SLC26A5: variants seen among roughly 807,000 people sequenced by gnomAD.
SLC26A5 encodes the protein prestin.
Under a neutral mutation model 81.0 loss-of-function variants are expected in SLC26A5, and 51 were observed. The observed-to-expected ratio is 0.63, with a 90% CI of 0.50 to 0.80. The LOEUF is 0.80. Ranked by LOEUF, SLC26A5 falls within the 30% of genes least tolerant of loss-of-function variation. The pLI is 0.00. For synonymous variants in SLC26A5, 325 were observed against 332.8 expected (o/e 0.98, Z 0.25); for missense variants, 771 against 905.8 (o/e 0.85, Z 1.91).
At chr7:103,412,840 C>T (rs1294304938) in intron 5 of SLC26A5, among the ~76,000 whole-genome samples, 162 bp downstream of exon 5, 4 of 151,970 alleles carry the variant, frequency 2.6e-5, no homozygotes, top group African/African-American at 4.8e-5. Flanking sequence ...GATGAGCCAC[C>T]GCACCTGGCC....
chr7:103,410,567 C>T lies in SLC26A5; in HGVS notation c.571-18G>A, dbSNP rs763954137. The T allele has an allele frequency of 1.3e-6, 2 of 1,591,152 alleles. No individual in the cohort carries two copies. The highest frequency in any genetic ancestry group is 1.8e-5 in the Admixed American group (1 of 56,584). On this transcript the variant is annotated intron_variant, in intron 6 of 19. Transcript: ENST00000306312. Reference sequence around the variant, plus strand: ...AGGCAAAACTATTTTTTTTTAATGACAAAGAAACAAATGAATCACATGATA... The same window carrying T: ...AGGCAAAACTATTTTTTTTTAATGATAAAGAAACAAATGAATCACATGATA...
intron 4 of SLC26A5, among the ~76,000 whole-genome samples, chr7:103,419,660 C>CCTGAGTATCTGAGACTAGAGG (rs1825184016): frequency 6.6e-6 from 1 of 152,068 alleles, no homozygotes; most frequent in Non-Finnish European, 1.5e-5. Context: ...GCTTCAGCCT[C>CCTGAGTATCTGAGACTAGAGG]CTGAGTATCT....
chr7:103,439,120 T>G (rs1334772062), intron 2 of SLC26A5, among the ~76,000 whole-genome samples: 1 of 152,200 alleles, frequency 6.6e-6, no homozygotes, highest in Non-Finnish European at 1.5e-5. Context: ...TTTTTATTCT[T>G]TAGCAACTAG....
Position 103,389,423 on chromosome 7 carries a change from G to C in SLC26A5, c.1313C>G (p.Ala438Gly), listed in dbSNP as rs763369160. The stretch of plus-strand genomic sequence containing the variant: ...GACAATCACAATGGCCGACAGCACA[G>C]CCTGAAACAGAGCACATCCCCCATG... ...TGFLFESLPQ[A>G]VLSAIVIVNL... The change falls in exon 13 of 20, where the codon GCT becomes GGT. Residue 438 changes from alanine (A) to glycine (G), a missense_variant and splice_region_variant. Ala to Gly is a moderately conservative substitution (Grantham distance 60). Transcript: ENST00000306312. The C allele has an allele frequency of 6.2e-7, 1 of 1,611,818 alleles. No individual in the cohort carries two copies. Among genetic ancestry groups the C allele is most frequent in the Non-Finnish European group, 8.5e-7 (1 of 1,177,942 alleles).
At chr7:103,395,476 T>TAC (rs1202761813) in intron 9 of SLC26A5, among the ~76,000 whole-genome samples, 1 of 141,532 alleles carries the variant, frequency 7.1e-6, no homozygotes, top group Non-Finnish European at 1.5e-5. Context: ...TATATATACA[T>TAC]ATATATATAC....
chr7:103,443,798 C>T (rs1177293403), intron 1 of SLC26A5, among the ~76,000 whole-genome samples: 1 of 152,210 alleles, frequency 6.6e-6, no homozygotes, highest in African/African-American at 2.4e-5. Context: ...TGCTTCATTT[C>T]CCTTTCCCTC....
chr7:103,380,471 AG>A lies in SLC26A5; in HGVS notation c.1584+8del. ...TACAACCTTTTTAAGTGATAGAAAAAGGTCCTACCTCCTCATATGCGTCTAT... is the reference window on the plus strand; with the variant it reads ...TACAACCTTTTTAAGTGATAGAAAAAGTCCTACCTCCTCATATGCGTCTAT... On this transcript the variant is annotated splice_region_variant and intron_variant, in intron 15 of 19. Coordinates refer to ENST00000306312, the MANE Select transcript of SLC26A5 (RefSeq NM_198999.3). 2 of 1,609,872 alleles carry A rather than the reference AG, an allele frequency of 1.2e-6. No homozygotes were observed. The highest frequency in any genetic ancestry group is 1.7e-6 in the Non-Finnish European group (2 of 1,176,224).
intron 14 of SLC26A5, among the ~76,000 whole-genome samples, chr7:103,383,411 G>A (rs1317367931): frequency 1.3e-5 from 2 of 152,186 alleles, no homozygotes; most frequent in South Asian, 4.1e-4. Flanking sequence ...GATTTCAAAT[G>A]CAGATGATGA....
chr7:103,427,009 A>G (rs903541693), intron 2 of SLC26A5, among the ~76,000 whole-genome samples: 1 of 152,190 alleles, frequency 6.6e-6, no homozygotes, highest in East Asian at 1.9e-4. Context: ...TAGAGCTTCA[A>G]GGTCCATTTC....
intron 4 of SLC26A5, among the ~76,000 whole-genome samples, chr7:103,417,387 A>G (rs1007310281): frequency 1.4e-5 from 2 of 147,434 alleles, no homozygotes; most frequent in African/African-American, 2.5e-5. Context: ...AAAAAAAAAG[A>G]AAAAAAAATA....
rs1341195690 is a variant in SLC26A5 at position 103,397,312 on chromosome 7, C to T, written c.971+620G>A. Among the ~76,000 whole-genome samples, 11 of 151,560 alleles carry T rather than the reference C, an allele frequency of 7.3e-5. No individual in the cohort carries two copies. In the South Asian group the frequency reaches 1.0e-3, roughly 14 times the overall value. ...ATCCCAGCACTTTGGAAGGCCAAGG[C>T]GGGTGGATCACGAGGTCAGGAAATT... On this transcript the variant is annotated intron_variant, in intron 9 of 19. Transcript: ENST00000306312.
intron 18 of SLC26A5, 48 bp from the exon 19 acceptor site, chr7:103,376,910 G>C: frequency 7.9e-7 from 1 of 1,261,786 alleles, no homozygotes; most frequent in South Asian, 1.2e-5. Context: ...CTCTGTGCCA[G>C]ATGAAAGTCT....
chr7:103,391,853 A>G (rs1033625926), intron 10 of SLC26A5, 118 bp from the exon 11 acceptor site: 1 of 807,534 alleles, frequency 1.2e-6, no homozygotes, highest in Non-Finnish European at 2.1e-6. Context: ...TTTTCCTTTC[A>G]GATGTAAGAA....
chr7:103,391,752 CA>C lies in SLC26A5; in HGVS notation c.1120-18del. On this transcript the variant is annotated intron_variant, in intron 10 of 19. Coordinates refer to ENST00000306312, the MANE Select transcript of SLC26A5 (RefSeq NM_198999.3). ...AATGAGCTCCTTTCCCATGTAGAAA[CA>C]AAACACAAAAGAGATAGGTCATTCT... 1 of 1,598,194 alleles carries C rather than the reference CA, an allele frequency of 6.3e-7. No homozygotes were observed.
At chr7:103,402,991 A>C (rs1166239658) in intron 8 of SLC26A5, among the ~76,000 whole-genome samples, 1 of 152,014 alleles carries the variant, frequency 6.6e-6, no homozygotes, top group Non-Finnish European at 1.5e-5. Flanking sequence ...AGATTTTCCC[A>C]CTTTCTCCTG....
At chr7:103,419,615 G>A (rs1160489663) in intron 4 of SLC26A5, among the ~76,000 whole-genome samples, 6 of 151,026 alleles carry the variant, frequency 4.0e-5, no homozygotes, top group South Asian at 2.1e-4. Flanking sequence ...TCAGCTCACC[G>A]CAACCTCCAC....
Position 103,433,981 on chromosome 7 carries a change from G to A in SLC26A5, c.-54+9102C>T, listed in dbSNP as rs368498917. On this transcript the variant is annotated intron_variant, in intron 2 of 19. Coordinates refer to ENST00000306312, the MANE Select transcript of SLC26A5 (RefSeq NM_198999.3). Reference sequence around the variant, plus strand: ...CTCCCAAAGTGCTGGGATTACAGGCGTGAGCCACTGCGCCTGGCCTGTATT... The same window carrying A: ...CTCCCAAAGTGCTGGGATTACAGGCATGAGCCACTGCGCCTGGCCTGTATT... Among the ~76,000 whole-genome samples the A allele has an allele frequency of 1.1e-3, 171 of 152,274 alleles. 3 individuals carry two copies. The highest frequency in any genetic ancestry group is 1.5e-3 in the East Asian group (8 of 5,180).
At chr7:103,402,064 G>T (rs1382614052) in intron 8 of SLC26A5, among the ~76,000 whole-genome samples, 1 of 152,178 alleles carries the variant, frequency 6.6e-6, no homozygotes, top group Non-Finnish European at 1.5e-5. Flanking sequence ...GCAGGATGAT[G>T]CTGGCATCAT....
At chr7:103,408,101 T>C (rs955662582) in intron 7 of SLC26A5, 98 bp from the exon 8 acceptor site, 16 of 1,506,244 alleles carry the variant, frequency 1.1e-5, no homozygotes, top group Middle Eastern at 1.7e-4. Flanking sequence ...CATTCCGTTA[T>C]TGGATATTTC....
Sources: gnomAD v4.1 joint callset for allele counts (sites outside exome capture counted in the v4.1 genomes callset) on GRCh38, gnomAD v4.1.1 for gene constraint, MANE v1.5 for transcripts, NCBI Gene and HGNC (gene_info 2026-07-23, HGNC 2026-07-21) for gene names.